The following GLDC variants were observed in gnomAD, a reference collection of about 807,000 sequenced individuals.
GLDC encodes glycine dehydrogenase (decarboxylating), mitochondrial.
GLDC carries 104 observed loss-of-function variants against 121.3 expected under a neutral mutation model. The observed-to-expected ratio is 0.86, with a 90% CI of 0.73 to 1.01. The LOEUF (loss-of-function observed/expected upper bound fraction) is 1.01, where lower values mean the gene tolerates loss of function less well. Ranked by LOEUF, GLDC falls within the 50% of genes least tolerant of loss-of-function variation. The pLI is 0.00. For synonymous variants in GLDC, 546 were observed against 480.6 expected (o/e 1.14, Z -1.78); for missense variants, 1,429 against 1,306.6 (o/e 1.09, Z -1.44).
chr9:6,576,613 C>T (rs1313820044), intron 15 of GLDC, among the ~76,000 whole-genome samples: 1 of 151,966 alleles, frequency 6.6e-6, no homozygotes, highest in Non-Finnish European at 1.5e-5. Flanking sequence ...ATTACAGGCC[C>T]CTGCCACCAC....
chr9:6,617,207 G>T (rs1286766382), intron 3 of GLDC, among the ~76,000 whole-genome samples: 1 of 152,166 alleles, frequency 6.6e-6, no homozygotes, highest in East Asian at 1.9e-4. Context: ...CGCTGGTGGG[G>T]TGTAATATCA....
At chr9:6,533,315 A>C (rs996650355) in intron 24 of GLDC, among the ~76,000 whole-genome samples, 155 bp from the exon 25 acceptor site, 23 of 152,152 alleles carry the variant, frequency 1.5e-4, no homozygotes, top group African/African-American at 5.3e-4. Flanking sequence ...CCATTTAAAA[A>C]AAAGAGGCAT....
At chr9:6,577,741 A>T (rs7049229) in intron 15 of GLDC, among the ~76,000 whole-genome samples, 80,681 of 151,614 alleles carry the variant, frequency 0.53, 21,926 homozygotes, top group Middle Eastern at 0.58. Context: ...CATCTGTTGT[A>T]CTAAATTTTA....
intron 15 of GLDC, among the ~76,000 whole-genome samples, chr9:6,577,165 G>C (rs917806708): frequency 1.3e-5 from 2 of 152,258 alleles, no homozygotes; most frequent in Non-Finnish European, 2.9e-5. Context: ...AGAGCCAGCA[G>C]CGCCACACGC....
intron 16 of GLDC, among the ~76,000 whole-genome samples, chr9:6,562,116 T>G (rs1817770732): frequency 6.6e-6 from 1 of 152,224 alleles, no homozygotes; most frequent in African/African-American, 2.4e-5. Flanking sequence ...GTCTGCTGAG[T>G]AAGTCAGGAT....
At chr9:6,640,440 G>T (rs1170924869) in intron 2 of GLDC, among the ~76,000 whole-genome samples, 2 of 152,206 alleles carry the variant, frequency 1.3e-5, no homozygotes, top group Non-Finnish European at 2.9e-5. Context: ...GGTCAGTTCA[G>T]GAGAGTGCGC....
chr9:6,626,314 G>C (rs1449263548), intron 2 of GLDC, among the ~76,000 whole-genome samples: 2 of 152,206 alleles, frequency 1.3e-5, no homozygotes, highest in East Asian at 3.8e-4. Flanking sequence ...CACCACCCCA[G>C]TCCTGACAAT....
intron 3 of GLDC, among the ~76,000 whole-genome samples, chr9:6,612,741 A>T (rs929736393): frequency 6.6e-6 from 1 of 152,178 alleles, no homozygotes; most frequent in African/African-American, 2.4e-5. Context: ...ACGTGCTTGT[A>T]GTCCCAGCTA....
chr9:6,540,538 A>C, intron 21 of GLDC: 1 of 223,270 alleles, frequency 4.5e-6, no homozygotes. Flanking sequence ...TATACAAAAT[A>C]TTTCTAGAGC....
At chr9:6,617,005 C>T (rs968092420) in intron 3 of GLDC, among the ~76,000 whole-genome samples, 1 of 152,144 alleles carries the variant, frequency 6.6e-6, no homozygotes, top group Non-Finnish European at 1.5e-5. Context: ...TAGTGAAACC[C>T]ATAAAATAAA....
intron 15 of GLDC, among the ~76,000 whole-genome samples, chr9:6,581,211 A>G (rs772360529): frequency 1.3e-5 from 2 of 152,100 alleles, no homozygotes; most frequent in Non-Finnish European, 2.9e-5. Context: ...GTTGGTAAAT[A>G]CTCTGGCTTC....
chr9:6,610,241 G>C lies in GLDC; in HGVS notation c.586C>G (p.Leu196Val). 6.2e-7 allele frequency: 1 copy of C among 1,613,942 alleles called. No individual in the cohort carries two copies. Among genetic ancestry groups the C allele is most frequent in the South Asian group, 1.1e-5 (1 of 90,998 alleles). The change falls in exon 4 of 25, where the codon CTG (leucine) becomes GTG (valine). Residue 196 changes from leucine to valine, a missense_variant. By Grantham distance (32) the Leu-to-Val change is conservative. Transcript: ENST00000321612. Reference protein sequence around the residue: ...ITGLDMANASLLDEGTAAAEA... With the variant: ...ITGLDMANASVLDEGTAAAEA... ...GCGGCTGCAGTCCCCTCATCCAGCA[G>C]GGATGCATTGGCCATGTCCAGGCCT...
intron 21 of GLDC, among the ~76,000 whole-genome samples, chr9:6,547,580 A>G (rs1465638627): frequency 6.6e-6 from 1 of 152,208 alleles, no homozygotes; most frequent in African/African-American, 2.4e-5. Flanking sequence ...CAAAAGCTTC[A>G]GTGCATTTAT....
At chr9:6,590,891 T>C (rs1434539408) in intron 11 of GLDC, among the ~76,000 whole-genome samples, 2 of 152,252 alleles carry the variant, frequency 1.3e-5, no homozygotes, top group Admixed American at 1.3e-4. Context: ...TTATGAATGT[T>C]ATCTGGTATA....
chr9:6,607,560 CCA>C (rs1818760942), intron 4 of GLDC, among the ~76,000 whole-genome samples: 1 of 151,952 alleles, frequency 6.6e-6, no homozygotes. Flanking sequence ...CCAGCCTAGG[CCA>C]CAGAGCGAGA....
In GLDC at chr9:6,605,410, C is replaced by A. The variant is rs1818709785; in HGVS notation, c.714-132G>T. On this transcript the variant is annotated intron_variant, in intron 5 of 24. Transcript: ENST00000321612. ...AGTGGCCTCCCACCCCTGCCCACAT[C>A]CCGTCCCACAGGCACTTCAGTGGTA... 3.6e-6 allele frequency: 3 copies of A among 833,960 alleles called. No homozygotes were observed. In the East Asian group the frequency reaches 8.0e-5, roughly 22 times the overall value. The allele number at this position is 833,960 out of a possible 1,614,324, so 51.7% of individuals were successfully genotyped here.
intron 8 of GLDC, among the ~76,000 whole-genome samples, chr9:6,599,578 G>C (rs961062982): frequency 2.0e-5 from 3 of 151,130 alleles, no homozygotes; most frequent in African/African-American, 7.3e-5. Context: ...AAAATTAGTT[G>C]GGCATGGTGG....
At chr9:6,615,271 G>A (rs1818945261) in intron 3 of GLDC, among the ~76,000 whole-genome samples, 1 of 152,034 alleles carries the variant, frequency 6.6e-6, no homozygotes, top group Non-Finnish European at 1.5e-5. Flanking sequence ...CTAGCTTTCT[G>A]TCTATATGTG....
intron 23 of GLDC, among the ~76,000 whole-genome samples, chr9:6,535,100 C>T (rs182335613): frequency 6.6e-6 from 1 of 152,166 alleles, no homozygotes; most frequent in African/African-American, 2.4e-5. Context: ...GCTAACCACT[C>T]TTCTGAATTC....
Sources: gnomAD v4.1 joint callset for allele counts (sites outside exome capture counted in the v4.1 genomes callset) on GRCh38, gnomAD v4.1.1 for gene constraint, MANE v1.5 for transcripts, NCBI Gene and HGNC (gene_info 2026-07-23, HGNC 2026-07-21) for gene names.